SLC25A16: variants seen among roughly 807,000 people sequenced by gnomAD.
The protein encoded by SLC25A16 is mitochondrial coenzyme A transporter SLC25A16.
Under a neutral mutation model 41.5 loss-of-function variants are expected in SLC25A16, and 39 were observed. That is an observed-to-expected ratio of 0.94 (90% CI 0.73 to 1.23). The LOEUF is 1.23. Among genes scored for constraint, SLC25A16 ranks in the 50% most tolerant of loss-of-function variants. The pLI, the probability that SLC25A16 is intolerant of heterozygous loss-of-function variation, is 0.00. For missense variants in SLC25A16, 421 were observed against 426.9 expected, an observed-to-expected ratio of 0.99 and a Z score of 0.12; for synonymous variants, 146 against 147.8, an observed-to-expected ratio of 0.99 and a Z score of 0.09.
intron 4 of SLC25A16, chr10:68,503,311 G>C (rs769846553): frequency 4.5e-5 from 9 of 197,946 alleles, no homozygotes; most frequent in South Asian, 1.9e-4. Context: ...TTGTCAAAGA[G>C]AATGCAAGCT....
intron 7 of SLC25A16, 142 bp from the exon 8 acceptor site, chr10:68,487,354 C>A: frequency 1.6e-6 from 1 of 608,794 alleles, no homozygotes; most frequent in South Asian, 1.9e-5. Context: ...GGGATATAGG[C>A]ATATGAATAA....
At position 68,502,956 on chromosome 10, in the gene SLC25A16, G is replaced by A. The variant is rs75854167; in HGVS notation, c.421+676C>T. Reference sequence around the variant, plus strand: ...GGAGGGGAGGGGAAAGGAGGGGGAGGGGAGGGGAAAGGAGAGTGGAGAGGA... The same window carrying A: ...GGAGGGGAGGGGAAAGGAGGGGGAGAGGAGGGGAAAGGAGAGTGGAGAGGA... On this transcript the variant is annotated intron_variant, in intron 4 of 8. Transcript: ENST00000609923. Among the ~76,000 whole-genome samples the A allele has an allele frequency of 3.8e-5, 4 of 104,532 alleles. No individual in the cohort carries two copies. The East Asian group carries it at 1.4e-3, about 35-fold the overall frequency. 68.6% of individuals were successfully genotyped at this position (104,532 alleles called of 152,430 possible). A position where few individuals can be genotyped will look rare whatever the true frequency, so the allele number is the denominator to read the frequency against.
intron 3 of SLC25A16, among the ~76,000 whole-genome samples, chr10:68,505,703 C>G (rs2052939758): frequency 6.6e-6 from 1 of 152,048 alleles, no homozygotes; most frequent in Non-Finnish European, 1.5e-5. Flanking sequence ...CATTGCACTC[C>G]AGCCTAGGGA....
intron 8 of SLC25A16, among the ~76,000 whole-genome samples, chr10:68,485,512 TAGCTGGTATGAC>T (rs1034238474): frequency 3.0e-4 from 45 of 151,382 alleles, no homozygotes; most frequent in Non-Finnish European, 5.0e-4. Context: ...GCCTCCTGAG[TAGCTGGTATGAC>T]AGGCACCTGC....
chr10:68,520,547 C>T (rs548948476), intron 1 of SLC25A16, among the ~76,000 whole-genome samples: 5 of 152,060 alleles, frequency 3.3e-5, no homozygotes, highest in Admixed American at 2.6e-4. Context: ...CGCAGTGGCC[C>T]ACACCTGTAA....
rs577466698 is a variant in SLC25A16, at chr10:68,503,372, ACT to A, written c.421+258_421+259del. ...ACTCCTTATCCTCTACTGTAAAATG[ACT>A]CTTTTTCAGTTGGCGTACTGATAAT... On this transcript the variant is annotated intron_variant, in intron 4 of 8. Transcript: ENST00000609923. 2.2e-3 allele frequency: 683 copies of A among 312,688 alleles called. 9 individuals carry two copies. The highest frequency in any genetic ancestry group is 0.014 in the African/African-American group (641 of 46,614). 19.4% of individuals were successfully genotyped at this position (312,688 alleles called of 1,614,324 possible).
chr10:68,503,251 T>C (rs2052888541), intron 4 of SLC25A16: 1 of 157,232 alleles, frequency 6.4e-6, no homozygotes, highest in Non-Finnish European at 1.4e-5. Context: ...ATTACATGAC[T>C]AGCCTTCAGA....
chr10:68,502,392 C>T (rs1438287331), intron 4 of SLC25A16, among the ~76,000 whole-genome samples: 1 of 151,192 alleles, frequency 6.6e-6, no homozygotes, highest in Admixed American at 6.6e-5. Flanking sequence ...ATCATAGAAC[C>T]GAAGGTCAAA....
At chr10:68,494,355 G>A (rs750012858) in intron 4 of SLC25A16, among the ~76,000 whole-genome samples, 3 of 141,224 alleles carry the variant, frequency 2.1e-5, no homozygotes, top group East Asian at 2.0e-4. Flanking sequence ...CCAGCTAGTC[G>A]AGAGGCTGAT....
chr10:68,525,480 G>T (rs1564932617), intron 1 of SLC25A16, among the ~76,000 whole-genome samples: 1 of 152,084 alleles, frequency 6.6e-6, no homozygotes, highest in Non-Finnish European at 1.5e-5. Context: ...TTAGGAGAGG[G>T]TCTCTCTCTG....
chr10:68,487,305 CGT>C, intron 7 of SLC25A16, 93 bp from the exon 8 acceptor site: 1 of 859,010 alleles, frequency 1.2e-6, no homozygotes, highest in Admixed American at 1.9e-5. Context: ...AAAGAAATAA[CGT>C]GTTACTGCTC....
At chr10:68,485,064 T>G (rs755568061) in intron 8 of SLC25A16, among the ~76,000 whole-genome samples, 16 of 152,164 alleles carry the variant, frequency 1.1e-4, no homozygotes, top group Non-Finnish European at 2.1e-4. Context: ...CAAAAAATAT[T>G]TTTAACAATT....
At chr10:68,484,762 T>C (rs2052531698) in intron 8 of SLC25A16, among the ~76,000 whole-genome samples, 1 of 152,116 alleles carries the variant, frequency 6.6e-6, no homozygotes, top group South Asian at 2.1e-4. Context: ...AAAAAATCTT[T>C]TGGGTGAACA....
intron 2 of SLC25A16, among the ~76,000 whole-genome samples, chr10:68,514,958 G>A (rs538937718): frequency 2.0e-5 from 3 of 151,408 alleles, no homozygotes; most frequent in Non-Finnish European, 2.9e-5. Context: ...AGCTGATCTC[G>A]AACTCCTGAC....
At position 68,488,623 on chromosome 10, in the gene SLC25A16, G is replaced by A; in HGVS notation, c.617C>T (p.Ser206Leu). ...CTTCAAGGTACCAAAAGTAAAAAAT[G>A]AAACACCTGAAAAACAAAAAATAAA... ...ILGMAPYAGV[S>L]FFTFGTLKSV... Residue 206 changes from serine to leucine, a missense_variant, in exon 7 of 9, where the codon TCA (serine) becomes TTA (leucine). Physicochemically the swap from Ser to Leu is moderately radical, Grantham distance 145. Coordinates refer to ENST00000609923, the MANE Select transcript of SLC25A16 (RefSeq NM_152707.4). 1 of 1,612,286 alleles carries A rather than the reference G, an allele frequency of 6.2e-7. No individual in the cohort carries two copies. Among genetic ancestry groups the A allele is most frequent in the Non-Finnish European group, 8.5e-7 (1 of 1,179,384 alleles).
chr10:68,523,214 T>C (rs11816020), intron 1 of SLC25A16, among the ~76,000 whole-genome samples: 12,696 of 151,916 alleles, frequency 0.084, 771 homozygotes, highest in South Asian at 0.24. Flanking sequence ...CTCAGCCTCC[T>C]GAGTAGCTGG....
At chr10:68,507,470 TAAAAC>T (rs1035549971) in intron 2 of SLC25A16, among the ~76,000 whole-genome samples, 1 of 151,666 alleles carries the variant, frequency 6.6e-6, no homozygotes, top group African/African-American at 2.4e-5. Context: ...GATTTTTAAA[TAAAAC>T]AAGCAAATAA....
chr10:68,496,381 G>T, intron 4 of SLC25A16: 1 of 566,938 alleles, frequency 1.8e-6, no homozygotes, highest in Non-Finnish European at 2.2e-6. Flanking sequence ...CTTCTTTTAA[G>T]AAGGCCAAAA....
At chr10:68,505,568 T>C (rs1257515312) in intron 3 of SLC25A16, among the ~76,000 whole-genome samples, 1 of 151,836 alleles carries the variant, frequency 6.6e-6, no homozygotes, top group South Asian at 2.1e-4. Context: ...GAATCAGGAG[T>C]TCCAGACCAG....
Sources: gnomAD v4.1 joint callset for allele counts (sites outside exome capture counted in the v4.1 genomes callset) on GRCh38, gnomAD v4.1.1 for gene constraint, MANE v1.5 for transcripts, NCBI Gene and HGNC (gene_info 2026-07-23, HGNC 2026-07-21) for gene names.